IGF1R: variants seen among roughly 807,000 people sequenced by gnomAD.
IGF1R encodes the protein insulin-like growth factor 1 receptor.
IGF1R carries 44 observed loss-of-function variants against 144.6 expected under a neutral mutation model. That is an observed-to-expected ratio of 0.30 (90% CI 0.24 to 0.39). IGF1R has a LOEUF of 0.39. Ranked by LOEUF, IGF1R falls within the 10% of genes least tolerant of loss-of-function variation. The pLI, the probability that IGF1R is intolerant of heterozygous loss-of-function variation, is 1.00. For synonymous variants in IGF1R, 795 were observed against 722.8 expected (o/e 1.10, Z -1.60); for missense variants, 1,355 against 1,833.7 (o/e 0.74, Z 4.77).
intron 2 of IGF1R, among the ~76,000 whole-genome samples, chr15:98,795,571 C>T (rs1189455490): frequency 4.6e-5 from 7 of 152,088 alleles, no homozygotes; most frequent in African/African-American, 1.4e-4. Flanking sequence ...CCCGCAACCA[C>T]CCCTGGTTAA....
intron 1 of IGF1R, among the ~76,000 whole-genome samples, chr15:98,703,684 G>A (rs147652628): frequency 6.6e-6 from 1 of 152,334 alleles, no homozygotes; most frequent in Non-Finnish European, 1.5e-5. Flanking sequence ...TTCCAGCTCT[G>A]TAGTGTGGCC....
chr15:98,693,089 T>C (rs771165383), intron 1 of IGF1R, among the ~76,000 whole-genome samples: 38 of 152,140 alleles, frequency 2.5e-4, no homozygotes, highest in Non-Finnish European at 3.5e-4. Context: ...CCCAGGGCTG[T>C]GTGGGGAGAG....
intron 2 of IGF1R, among the ~76,000 whole-genome samples, chr15:98,841,493 G>C (rs2011174120): frequency 6.6e-6 from 1 of 152,202 alleles, no homozygotes; most frequent in South Asian, 2.1e-4. Context: ...TTAGTTTCCA[G>C]CAGCCTGTTT....
chr15:98,728,256 G>A (rs547662303), intron 2 of IGF1R, among the ~76,000 whole-genome samples: 2 of 152,056 alleles, frequency 1.3e-5, no homozygotes, highest in South Asian at 2.1e-4. Context: ...TGTTGTTGCC[G>A]CTGGCCATCA....
chr15:98,960,930 C>T lies in IGF1R; in HGVS notation c.*3488C>T, dbSNP rs372169799. On this transcript the variant is annotated 3_prime_UTR_variant, in exon 21 of 21. Coordinates refer to ENST00000650285, the MANE Select transcript of IGF1R (RefSeq NM_000875.5). Reference sequence around the variant, plus strand: ...GCCCCCCCCGCCAGGGCTGTACCTCCGTCTCCCTGGTCCTGCTGCTCACAG... The same window carrying T: ...GCCCCCCCCGCCAGGGCTGTACCTCTGTCTCCCTGGTCCTGCTGCTCACAG... 11 of 233,904 alleles carry T rather than the reference C, an allele frequency of 4.7e-5. No individual in the cohort carries two copies. The highest frequency in any genetic ancestry group is 1.1e-4 in the Admixed American group (2 of 17,786). 14.5% of individuals were successfully genotyped at this position (233,904 alleles called of 1,614,324 possible).
intron 1 of IGF1R, among the ~76,000 whole-genome samples, chr15:98,652,741 T>C (rs993853568): frequency 2.6e-5 from 4 of 152,164 alleles, no homozygotes; most frequent in Admixed American, 6.5e-5. Context: ...AGATGAGTGG[T>C]TGCCAGGGGC....
chr15:98,791,867 C>G (rs1301717549), intron 2 of IGF1R, among the ~76,000 whole-genome samples: 1 of 152,056 alleles, frequency 6.6e-6, no homozygotes, highest in African/African-American at 2.4e-5. Context: ...TTTCAGTGGT[C>G]TGGTTTGAAA....
At chr15:98,673,940 G>GA (rs1293504709) in intron 1 of IGF1R, among the ~76,000 whole-genome samples, 1 of 152,138 alleles carries the variant, frequency 6.6e-6, no homozygotes, top group Non-Finnish European at 1.5e-5. Context: ...AAAAGATTTG[G>GA]AAAAAATGTA....
intron 2 of IGF1R, among the ~76,000 whole-genome samples, chr15:98,794,485 A>G (rs2056195486): frequency 6.6e-6 from 1 of 152,208 alleles, no homozygotes; most frequent in Admixed American, 6.5e-5. Context: ...CATGTAGCTC[A>G]GTTAACAGCA....
chr15:98,834,837 C>A (rs2057064236), intron 2 of IGF1R, among the ~76,000 whole-genome samples: 1 of 152,110 alleles, frequency 6.6e-6, no homozygotes, highest in Non-Finnish European at 1.5e-5. Flanking sequence ...GCAATAAAAA[C>A]CAAACCTCTG....
intron 2 of IGF1R, among the ~76,000 whole-genome samples, chr15:98,851,030 T>A (rs2011508309): frequency 6.6e-6 from 1 of 152,154 alleles, no homozygotes; most frequent in Admixed American, 6.5e-5. Context: ...AACACAGTGC[T>A]ACCAAAACCG....
intron 2 of IGF1R, among the ~76,000 whole-genome samples, chr15:98,864,416 C>T (rs941527533): frequency 6.6e-6 from 1 of 152,182 alleles, no homozygotes; most frequent in African/African-American, 2.4e-5. Context: ...GACATCTTGG[C>T]CTGTCACCCA....
Position 98,821,285 on chromosome 15 carries a change from C to T in IGF1R, c.641-70040C>T, listed in dbSNP as rs1346112310. The stretch of plus-strand genomic sequence containing the variant: ...TTGTCTTTTATTTTAAACACGCCTC[C>T]CCCCCCCCTTTTTAAACTGATTTTA... On this transcript the variant is annotated intron_variant, in intron 2 of 20. Coordinates refer to ENST00000650285, the MANE Select transcript of IGF1R (RefSeq NM_000875.5). 2.0e-5 allele frequency among the ~76,000 whole-genome samples: 3 copies of T among 147,790 alleles called. No individual in the cohort carries two copies. In the East Asian group the frequency reaches 5.9e-4, roughly 29 times the overall value.
intron 2 of IGF1R, among the ~76,000 whole-genome samples, chr15:98,845,596 T>C (rs1413481457): frequency 6.7e-6 from 1 of 148,294 alleles, no homozygotes; most frequent in Non-Finnish European, 1.5e-5. Flanking sequence ...CTTTCTCTCT[T>C]CTCTCTCTAC....
chr15:98,655,916 A>G (rs1015144496), intron 1 of IGF1R, among the ~76,000 whole-genome samples: 8 of 152,130 alleles, frequency 5.3e-5, no homozygotes, highest in African/African-American at 1.9e-4. Flanking sequence ...TATGTTGCTC[A>G]GGTTGGACTC....
intron 3 of IGF1R, among the ~76,000 whole-genome samples, chr15:98,895,575 G>C (rs1230060667): frequency 1.3e-5 from 2 of 152,178 alleles, no homozygotes; most frequent in Non-Finnish European, 2.9e-5. Context: ...GGTGGGTCCA[G>C]TTCCTGTAGG....
In IGF1R at chr15:98,924,021, G is replaced by A. The variant is rs752398768; in HGVS notation, c.2622+9G>A. 2 of 1,613,452 alleles carry A rather than the reference G, an allele frequency of 1.2e-6. No homozygotes were observed. The highest frequency in any genetic ancestry group is 2.7e-5 in the African/African-American group (2 of 74,934). ...ACGGATCACAAGTTGAGGTAGGACTGGGGCAGTGGCCCGTGCCTGCATGTA... is the reference window on the plus strand; with the variant it reads ...ACGGATCACAAGTTGAGGTAGGACTAGGGCAGTGGCCCGTGCCTGCATGTA... On this transcript the variant is annotated intron_variant, in intron 12 of 20. Transcript: ENST00000650285.
At chr15:98,713,136 T>G (rs2054033957) in intron 2 of IGF1R, among the ~76,000 whole-genome samples, 1 of 151,982 alleles carries the variant, frequency 6.6e-6, no homozygotes, top group Non-Finnish European at 1.5e-5. Flanking sequence ...GGCCGAACTC[T>G]AGCCTTGCCT....
At chr15:98,836,390 C>T (rs1364100804) in intron 2 of IGF1R, among the ~76,000 whole-genome samples, 2 of 151,834 alleles carry the variant, frequency 1.3e-5, no homozygotes, top group Non-Finnish European at 1.5e-5. Context: ...AGTGGTGGCA[C>T]GTGGCTGTAG....
Sources: gnomAD v4.1 joint callset for allele counts (sites outside exome capture counted in the v4.1 genomes callset) on GRCh38, gnomAD v4.1.1 for gene constraint, MANE v1.5 for transcripts, NCBI Gene and HGNC (gene_info 2026-07-23, HGNC 2026-07-21) for gene names.